The following RIOK3 variants were observed in gnomAD, a reference collection of about 807,000 sequenced individuals.
The protein encoded by RIOK3 is RIO kinase 3, also known as serine/threonine-protein kinase RIO3.
A neutral mutation model predicts 63.5 loss-of-function variants in RIOK3; 40 were observed. The observed-to-expected ratio is 0.63, with a 90% CI of 0.49 to 0.82. The LOEUF is 0.82. RIOK3 is among the 40% of genes least tolerant of loss of function. The probability of loss-of-function intolerance (pLI) is 0.00; values close to 1 mark genes in which losing one functional copy is unlikely to be tolerated. For missense variants in RIOK3, 557 were observed against 637.0 expected, an observed-to-expected ratio of 0.87 and a Z score of 1.35; for synonymous variants, 193 against 205.0, an observed-to-expected ratio of 0.94 and a Z score of 0.50.
At chr18:23,469,304 C>CTCTCTCTCTCT (rs2057431891) in intron 7 of RIOK3, among the ~76,000 whole-genome samples, 1 of 19,406 alleles carries the variant, frequency 5.2e-5, no homozygotes, top group African/African-American at 1.8e-4. Context: ...TTTCTTTCTT[C>CTCTCTCTCTCT]CTCTCTCTCT....
intron 8 of RIOK3, among the ~76,000 whole-genome samples, chr18:23,474,584 T>C (rs2057476808): frequency 6.6e-6 from 1 of 152,188 alleles, no homozygotes; most frequent in Non-Finnish European, 1.5e-5. Flanking sequence ...TGTTGATTGA[T>C]ATACATTCCC....
chr18:23,472,309 G>T (rs2057461906), intron 7 of RIOK3, among the ~76,000 whole-genome samples: 1 of 152,138 alleles, frequency 6.6e-6, no homozygotes, highest in Non-Finnish European at 1.5e-5. Flanking sequence ...AATTGCCCAG[G>T]AAGAGAAGGA....
intron 1 of RIOK3, 128 bp downstream of exon 1, chr18:23,453,630 G>T (rs2057318720): frequency 2.5e-6 from 2 of 799,476 alleles, no homozygotes; most frequent in East Asian, 5.0e-5. Context: ...ACCTCGGCAA[G>T]GGGGCACTGG....
chr18:23,463,882 G>A, intron 2 of RIOK3, 85 bp from the exon 3 acceptor site: 3 of 1,160,694 alleles, frequency 2.6e-6, no homozygotes, highest in South Asian at 3.0e-5. Context: ...TTTTAACATG[G>A]AAAAGGCACC....
At chr18:23,466,706 A>AG (rs997853561) in intron 6 of RIOK3, among the ~76,000 whole-genome samples, 3 of 151,154 alleles carry the variant, frequency 2.0e-5, no homozygotes, top group African/African-American at 7.3e-5. Context: ...AAAAAAAAAA[A>AG]AAAAAATGTA....
intron 5 of RIOK3, 29 bp from the exon 6 acceptor site, chr18:23,466,104 A>G (rs1478720899): frequency 2.3e-5 from 35 of 1,544,716 alleles, no homozygotes; most frequent in Non-Finnish European, 3.0e-5. Flanking sequence ...ATTTTAAAAT[A>G]TTTAGATGCT....
In RIOK3 at chr18:23,474,985, C is replaced by T. The variant is rs1412657132; in HGVS notation, c.1051C>T (p.Leu351=). Residue 351 remains leucine, a synonymous_variant, in exon 9 of 13, where the codon CTA becomes TTA. Coordinates refer to ENST00000339486, the MANE Select transcript of RIOK3 (RefSeq NM_003831.5). ...RAGIPCPTVV[L]LKKHILVMSF... ...TGGAATTCCTTGTCCAACAGTTGTA[C>T]TACTGAAGAAACACATTTTAGTTAT... is the stretch of plus-strand genomic sequence containing the variant. 3 of 1,611,438 alleles carry T rather than the reference C, an allele frequency of 1.9e-6. No individual in the cohort carries two copies. The East Asian group carries it at 6.7e-5, about 36-fold the overall frequency.
intron 6 of RIOK3, among the ~76,000 whole-genome samples, 195 bp from the exon 7 acceptor site, chr18:23,467,204 C>T (rs1325523075): frequency 7.2e-5 from 11 of 151,962 alleles, no homozygotes; most frequent in African/African-American, 2.7e-4. Context: ...ATCCCAGCTA[C>T]TCGGGAGGCT....
chr18:23,469,304 CCTCTCT>C (rs376929343), intron 7 of RIOK3, among the ~76,000 whole-genome samples: 1,163 of 19,402 alleles, frequency 0.06, 65 homozygotes, highest in Middle Eastern at 0.094. Flanking sequence ...TTTCTTTCTT[CCTCTCT>C]CTCTCTCTCT....
rs1364153098 is a variant in RIOK3, at chr18:23,466,188, A to G, written c.599A>G (p.Asn200Ser). ...DGIGMDLKLS[N>S]HVFNALKQHA... ...ATTGGAATGGATTTAAAACTATCAAACCATGTTTTCAATGCTTTAAAACAA... is the reference window on the plus strand; with the variant it reads ...ATTGGAATGGATTTAAAACTATCAAGCCATGTTTTCAATGCTTTAAAACAA... The change falls in exon 6 of 13, where the codon AAC becomes AGC. Residue 200 changes from asparagine to serine, a missense_variant. Asn to Ser is a conservative substitution (Grantham distance 46). Around this residue, in one of 3 missense-constraint regions of RIOK3, gnomAD observed 243 missense variants for 275.4 expected, o/e 0.88. Coordinates refer to ENST00000339486, the MANE Select transcript of RIOK3 (RefSeq NM_003831.5). The G allele has an allele frequency of 1.1e-5, 17 of 1,611,120 alleles. No individual in the cohort carries two copies. The highest frequency in any genetic ancestry group is 1.4e-5 in the Non-Finnish European group (17 of 1,178,968).
At position 23,463,965 on chromosome 18, in the gene RIOK3, A is replaced by G; in HGVS notation, c.180-2A>G. On this transcript the variant is annotated splice_acceptor_variant, in intron 2 of 12. Transcript: ENST00000339486. LOFTEE classifies it high-confidence loss of function. ...TAGTTTATATTGCCTTATTTTGAAT[A>G]GTGTTGCTGAAGGACCATTTATTAC... 6.3e-7 allele frequency: 1 copy of G among 1,597,792 alleles called. No individual in the cohort carries two copies.
chr18:23,476,971 A>G (rs950773961), intron 9 of RIOK3, 35 bp from the exon 10 acceptor site: 2 of 1,563,620 alleles, frequency 1.3e-6, no homozygotes, highest in Non-Finnish European at 1.8e-6. Context: ...CCACTTAATT[A>G]TTCATTTCCT....
chr18:23,480,496 T>G (rs1323631377), intron 12 of RIOK3, among the ~76,000 whole-genome samples: 2 of 150,564 alleles, frequency 1.3e-5, no homozygotes, highest in Admixed American at 1.3e-4. Flanking sequence ...TATTGACCCT[T>G]GCAATCAAGT....
chr18:23,453,372 C>G lies in RIOK3; in HGVS notation c.-68C>G, dbSNP rs2057315794. 5 of 1,318,876 alleles carry G rather than the reference C, an allele frequency of 3.8e-6. No individual in the cohort carries two copies. Among genetic ancestry groups the G allele is most frequent in the Non-Finnish European group, 5.5e-6 (5 of 914,442 alleles). 81.7% of individuals were successfully genotyped at this position (1,318,876 alleles called of 1,614,324 possible). ...CCAGTCGCCCGTGTCCCGCCTGTCT[C>G]CTCGGCGGAGCCTGCTGCCCGTCCT... is the stretch of plus-strand genomic sequence containing the variant. On this transcript the variant is annotated 5_prime_UTR_variant, in exon 1 of 13. Coordinates refer to ENST00000339486, the MANE Select transcript of RIOK3 (RefSeq NM_003831.5).
At chr18:23,469,383 C>T (rs112043582) in intron 7 of RIOK3, among the ~76,000 whole-genome samples, 1,143 of 5,958 alleles carry the variant, frequency 0.19, 155 homozygotes, top group East Asian at 0.47. Context: ...CCCTCCCCTC[C>T]CTCCCCTCTC....
At chr18:23,478,412 A>T (rs1396539957) in intron 11 of RIOK3, among the ~76,000 whole-genome samples, 2 of 151,990 alleles carry the variant, frequency 1.3e-5, no homozygotes, top group Non-Finnish European at 2.9e-5. Context: ...CTACAAAAAA[A>T]TTTAAAAAGT....
At chr18:23,467,682 A>G (rs2057419044) in intron 7 of RIOK3, 156 bp downstream of exon 7, 1 of 536,876 alleles carries the variant, frequency 1.9e-6, no homozygotes, top group African/African-American at 1.9e-5. Flanking sequence ...GAATGTATAA[A>G]AAACACAGTC....
chr18:23,464,147 G>T (rs763230469), intron 3 of RIOK3, 35 bp downstream of exon 3: 1 of 1,606,676 alleles, frequency 6.2e-7, no homozygotes, highest in African/African-American at 1.3e-5. Flanking sequence ...TTCATTGAGT[G>T]GTAGAAAACA....
chr18:23,468,293 C>CTTTTTTTT (rs1245472469), intron 7 of RIOK3, among the ~76,000 whole-genome samples: 46 of 46,466 alleles, frequency 9.9e-4, no homozygotes, highest in Admixed American at 1.8e-3. Flanking sequence ...CAATATACTC[C>CTTTTTTTT]TTTTTTTTTT....
Sources: allele counts gnomAD v4.1 joint callset (sites outside exome capture counted in the v4.1 genomes callset), GRCh38; gene constraint gnomAD v4.1.1; regional missense constraint gnomAD v4.1.1; transcripts MANE v1.5; gene names NCBI Gene and HGNC (gene_info 2026-07-23, HGNC 2026-07-21).